KIF25: variants seen among roughly 807,000 people sequenced by gnomAD.
The protein encoded by KIF25 is kinesin-like protein KIF25.
A neutral mutation model predicts 32.9 loss-of-function variants in KIF25; 19 were observed. The ratio of observed to expected loss-of-function variants is 0.58; its 90% confidence interval spans 0.40 to 0.85. KIF25 has a LOEUF of 0.85. Among genes scored for constraint, KIF25 ranks in the 40% least tolerant of loss-of-function variants. The probability of loss-of-function intolerance (pLI) is 0.00; values close to 1 mark genes in which losing one functional copy is unlikely to be tolerated. For missense variants in KIF25, 485 were observed against 507.0 expected, an observed-to-expected ratio of 0.96 and a Z score of 0.42; for synonymous variants, 225 against 213.7, an observed-to-expected ratio of 1.05 and a Z score of -0.46.
At chr6:168,017,596 C>T (rs932147610) in intron 4 of KIF25, among the ~76,000 whole-genome samples, 3 of 152,134 alleles carry the variant, frequency 2.0e-5, no homozygotes. Context: ...ACCTCTCCTG[C>T]GAACTGTCAA....
In KIF25 at chr6:168,002,629, G is replaced by T. The variant is rs79449472; in HGVS notation, c.-283G>T. ...TAGATCAGTGGTCCCCAACCTTTTT[G>T]GCATCAGGGACCAGCTTCCTGGAAG... On this transcript the variant is annotated 5_prime_UTR_variant, in exon 3 of 13. Transcript: ENST00000643607. 17,358 of 152,168 alleles carry T rather than the reference G, an allele frequency of 0.11. 1,082 individuals are homozygous for T. The highest frequency in any genetic ancestry group is 0.18 in the Middle Eastern group (53 of 294). The allele number at this position is 152,168 out of a possible 1,614,324, so 9.4% of individuals were successfully genotyped here. A position where few individuals can be genotyped will look rare whatever the true frequency, so the allele number is the denominator to read the frequency against.
chr6:168,035,462 G>GGGGGGGGCGGGAACGGCGCTGC (rs1799007152), intron 8 of KIF25, among the ~76,000 whole-genome samples: 1 of 112,178 alleles, frequency 8.9e-6, no homozygotes, highest in Non-Finnish European at 1.7e-5. Context: ...ACGGCGCTGC[G>GGGGGGGGCGGGAACGGCGCTGC]GGGGGGGCGG....
intron 5 of KIF25, among the ~76,000 whole-genome samples, chr6:168,025,592 G>T (rs956996869): frequency 6.6e-6 from 1 of 152,138 alleles, no homozygotes; most frequent in African/African-American, 2.4e-5. Flanking sequence ...GCAGTTTACT[G>T]TTACACACCC....
chr6:168,014,746 C>G (rs1304799360), intron 4 of KIF25, among the ~76,000 whole-genome samples: 1 of 152,190 alleles, frequency 6.6e-6, no homozygotes, highest in East Asian at 1.9e-4. Flanking sequence ...CTGGCTGCTG[C>G]CCTAGTTCCT....
intron 8 of KIF25, among the ~76,000 whole-genome samples, chr6:168,035,316 G>A (rs897078439): frequency 6.6e-6 from 1 of 151,180 alleles, no homozygotes; most frequent in Non-Finnish European, 1.5e-5. Context: ...AGAGATGCAC[G>A]ATGCACAGCC....
At chr6:168,031,571 G>A (rs368246006) in intron 7 of KIF25, among the ~76,000 whole-genome samples, 25 of 152,326 alleles carry the variant, frequency 1.6e-4, no homozygotes, top group African/African-American at 6.0e-4. Flanking sequence ...ACGCACGCAC[G>A]CGGGGCCGCT....
At chr6:168,042,756 C>A in intron 12 of KIF25, 40 bp downstream of exon 12, 1 of 1,579,808 alleles carries the variant, frequency 6.3e-7, no homozygotes, top group Non-Finnish European at 8.6e-7. Flanking sequence ...TGGGGGACCA[C>A]GTACCCCAGG....
chr6:168,038,795 G>C (rs1405554151), intron 9 of KIF25, 66 bp downstream of exon 9: 4 of 1,527,624 alleles, frequency 2.6e-6, no homozygotes, highest in Non-Finnish European at 3.6e-6. Context: ...CCTCCCACCT[G>C]GTCAGGAGGC....
intron 5 of KIF25, among the ~76,000 whole-genome samples, chr6:168,022,631 C>G (rs1798802244): frequency 6.6e-6 from 1 of 152,128 alleles, no homozygotes; most frequent in Admixed American, 6.5e-5. Flanking sequence ...TCTATTGTGT[C>G]TGGTTCTTGT....
Position 168,001,376 on chromosome 6 carries a change from G to C in KIF25, c.-369-1167G>C, listed in dbSNP as rs528524270. Among the ~76,000 whole-genome samples the C allele has an allele frequency of 9.8e-5, 15 of 152,370 alleles. No individual in the cohort carries two copies. The South Asian group carries it at 2.9e-3, about 29-fold the overall frequency. Reference sequence around the variant, plus strand: ...CTCAGCCTGTAGTTAATGGCCCCCAGCGGTGATCAGCTTTCCTGAACTTGC... The same window carrying C: ...CTCAGCCTGTAGTTAATGGCCCCCACCGGTGATCAGCTTTCCTGAACTTGC... On this transcript the variant is annotated intron_variant, in intron 2 of 12. Transcript: ENST00000643607.
chr6:168,030,681 AC>A (rs1798928793), intron 6 of KIF25, 91 bp from the exon 7 acceptor site: 22 of 854,836 alleles, frequency 2.6e-5, no homozygotes, highest in Non-Finnish European at 4.0e-5. Context: ...TGGGAAGTAC[AC>A]GGGGCGTTGT....
At chr6:168,044,113 T>C (rs1283792826) in intron 12 of KIF25, among the ~76,000 whole-genome samples, 1 of 152,106 alleles carries the variant, frequency 6.6e-6, no homozygotes, top group Non-Finnish European at 1.5e-5. Context: ...GTAGAAGGCC[T>C]GCAGCTTCCC....
intron 2 of KIF25, among the ~76,000 whole-genome samples, chr6:168,002,305 GA>G (rs1170213347): frequency 7.3e-5 from 9 of 123,378 alleles, no homozygotes; most frequent in East Asian, 7.0e-4. Flanking sequence ...GGGCAGGTGA[GA>G]AAGACACCTG....
At chr6:168,032,263 G>A (rs1390073519) in intron 7 of KIF25, among the ~76,000 whole-genome samples, 1 of 152,176 alleles carries the variant, frequency 6.6e-6, no homozygotes, top group Non-Finnish European at 1.5e-5. Flanking sequence ...ATGGCTGGGG[G>A]GCCTTAGAAT....
intron 5 of KIF25, among the ~76,000 whole-genome samples, chr6:168,019,138 T>A (rs1798754925): frequency 6.6e-6 from 1 of 152,204 alleles, no homozygotes; most frequent in Non-Finnish European, 1.5e-5. Context: ...TGTTTCCAAG[T>A]AACTGCTGGC....
chr6:168,010,092 A>G lies in KIF25; in HGVS notation c.-163+6389A>G, dbSNP rs186832768. Among the ~76,000 whole-genome samples the G allele has an allele frequency of 5.3e-4, 80 of 151,740 alleles. 1 individual carries two copies. Among genetic ancestry groups the G allele is most frequent in the African/African-American group, 1.8e-3 (75 of 41,436 alleles). On this transcript the variant is annotated intron_variant, in intron 4 of 12. Transcript: ENST00000643607. ...TTCTAATCTTTATTTATTTTCTTCT[A>G]TTAATTATGGGTTTGATTTGTTCTT...
chr6:168,024,268 T>C (rs543820548), intron 5 of KIF25, among the ~76,000 whole-genome samples: 1 of 152,348 alleles, frequency 6.6e-6, no homozygotes, highest in East Asian at 1.9e-4. Context: ...AGCTTCATCA[T>C]GTTTGTTTAT....
intron 5 of KIF25, among the ~76,000 whole-genome samples, chr6:168,018,719 C>T (rs547229612): frequency 1.3e-5 from 2 of 152,216 alleles, no homozygotes; most frequent in African/African-American, 2.4e-5. Flanking sequence ...AAGCCCTGCT[C>T]ATCCTCCTTC....
At chr6:168,001,298 A>G (rs1320782621) in intron 2 of KIF25, among the ~76,000 whole-genome samples, 1 of 152,198 alleles carries the variant, frequency 6.6e-6, no homozygotes, top group East Asian at 1.9e-4. Context: ...TCAGTGCTCA[A>G]AACGTTTTGG....
Sources: gnomAD v4.1 joint callset for allele counts (sites outside exome capture counted in the v4.1 genomes callset) on GRCh38, gnomAD v4.1.1 for gene constraint, MANE v1.5 for transcripts, NCBI Gene and HGNC (gene_info 2026-07-23, HGNC 2026-07-21) for gene names.